ARHGEF10L: variants seen among roughly 807,000 people sequenced by gnomAD.
ARHGEF10L encodes the protein Rho guanine nucleotide exchange factor 10 like.
Under a neutral mutation model 141.2 loss-of-function variants are expected in ARHGEF10L, and 69 were observed. The observed-to-expected ratio is 0.49, with a 90% CI of 0.40 to 0.60. ARHGEF10L has a LOEUF of 0.60. ARHGEF10L is among the 20% of genes least tolerant of loss of function. The pLI is 0.00. For missense variants in ARHGEF10L, 1,482 were observed against 1,734.3 expected, an observed-to-expected ratio of 0.85 and a Z score of 2.58; for synonymous variants, 711 against 718.5, an observed-to-expected ratio of 0.99 and a Z score of 0.17.
At chr1:17,641,997 A>G (rs985745751) in intron 21 of ARHGEF10L, among the ~76,000 whole-genome samples, 2 of 152,108 alleles carry the variant, frequency 1.3e-5, no homozygotes, top group African/African-American at 4.8e-5. Flanking sequence ...AAAGAAAAAA[A>G]AAAGAAAAAA....
At position 17,639,094 on chromosome 1, in the gene ARHGEF10L, C is replaced by T. The variant is rs1439181521; in HGVS notation, c.2171+405C>T. Among the ~76,000 whole-genome samples, 2 of 152,216 alleles carry T rather than the reference C, an allele frequency of 1.3e-5. No individual in the cohort carries two copies. Among genetic ancestry groups the T allele is most frequent in the Non-Finnish European group, 2.9e-5 (2 of 68,034 alleles). On this transcript the variant is annotated intron_variant, in intron 20 of 28. Coordinates refer to ENST00000361221, the MANE Select transcript of ARHGEF10L (RefSeq NM_018125.4). The surrounding 1 kb of genome is among the most constrained non-coding windows in gnomAD (Gnocchi z 4.3). The stretch of plus-strand genomic sequence containing the variant: ...CACCTTAGCCCCAGAATGCCCACCA[C>T]AGGAGCTGTGCACAGTAGACCCCAA...
At chr1:17,525,613 G>A in the ARHGEF10L span, among the ~76,000 whole-genome samples, 1 of 152,074 alleles carries the variant, frequency 6.6e-6, no homozygotes, top group Non-Finnish European at 1.5e-5. Context: ...GAGCTGTGAT[G>A]ACACCACTGC....
chr1:17,578,509 A>G (rs1489072944), intron 1 of ARHGEF10L, among the ~76,000 whole-genome samples: 1 of 150,148 alleles, frequency 6.7e-6, no homozygotes, highest in East Asian at 2.0e-4. Context: ...ACAGAGTAAG[A>G]CCCTATCTCT....
chr1:17,663,808 G>A lies in ARHGEF10L; in HGVS notation c.2861-639G>A, dbSNP rs530158914. On this transcript the variant is annotated intron_variant, in intron 25 of 28. Transcript: ENST00000361221. ...CGTGAAGGGTAGAGATGTGCTCAAGGTCCTTAGCAAGTTAGTAGTAGCAGA... is the reference window on the plus strand; with the variant it reads ...CGTGAAGGGTAGAGATGTGCTCAAGATCCTTAGCAAGTTAGTAGTAGCAGA... Among the ~76,000 whole-genome samples the A allele has an allele frequency of 1.2e-4, 18 of 152,274 alleles. No homozygotes were observed. In the South Asian group the frequency reaches 3.7e-3, roughly 32 times the overall value.
At chr1:17,527,172 T>C in the ARHGEF10L span, among the ~76,000 whole-genome samples, 1 of 152,160 alleles carries the variant, frequency 6.6e-6, no homozygotes, top group Non-Finnish European at 1.5e-5. Flanking sequence ...CAAAGGAAAC[T>C]AGAAACCCTG....
intron 20 of ARHGEF10L, among the ~76,000 whole-genome samples, chr1:17,638,896 A>G (rs916287804): frequency 1.3e-5 from 2 of 152,236 alleles, no homozygotes; most frequent in African/African-American, 2.4e-5. Flanking sequence ...TGAATGAATT[A>G]ATGAACAGCC....
chr1:17,599,970 C>T (rs925830359), intron 4 of ARHGEF10L, among the ~76,000 whole-genome samples: 22 of 152,342 alleles, frequency 1.4e-4, no homozygotes, highest in East Asian at 3.9e-4. Context: ...GCTGCTGCAC[C>T]GGATAGGACA....
chr1:17,526,019 GAAAAGAA>G, the ARHGEF10L span, among the ~76,000 whole-genome samples: 1 of 146,588 alleles, frequency 6.8e-6, no homozygotes, highest in Non-Finnish European at 1.5e-5. Flanking sequence ...AAAAAAAAAA[GAAAAGAA>G]AAAAGAAAAC....
chr1:17,671,930 T>G (rs2063345918), intron 26 of ARHGEF10L, among the ~76,000 whole-genome samples: 1 of 152,204 alleles, frequency 6.6e-6, no homozygotes, highest in African/African-American at 2.4e-5. Context: ...GGAGATGGGC[T>G]CTGTCTGTAA....
At chr1:17,527,538 G>T in the ARHGEF10L span, among the ~76,000 whole-genome samples, 3 of 152,078 alleles carry the variant, frequency 2.0e-5, no homozygotes, top group East Asian at 1.9e-4. Context: ...CCCCTCACCC[G>T]GAGCCGATCC....
At chr1:17,617,312 A>G (rs2059862488) in intron 9 of ARHGEF10L, among the ~76,000 whole-genome samples, 1 of 152,210 alleles carries the variant, frequency 6.6e-6, no homozygotes, top group Admixed American at 6.5e-5. Flanking sequence ...TCCTAAAGCC[A>G]TGGGACACAG....
chr1:17,690,161 C>T (rs1004179435), intron 27 of ARHGEF10L, among the ~76,000 whole-genome samples: 9 of 152,288 alleles, frequency 5.9e-5, no homozygotes, highest in Non-Finnish European at 7.3e-5. Flanking sequence ...TAGCCTTGGG[C>T]GGTTGTGTCC....
the ARHGEF10L span, among the ~76,000 whole-genome samples, chr1:17,527,463 C>T: frequency 6.6e-6 from 1 of 152,294 alleles, no homozygotes; most frequent in South Asian, 2.1e-4. Context: ...TGTTCCCAGG[C>T]CCCACCCTGG....
Position 17,638,623 on chromosome 1 carries a change from A to G in ARHGEF10L, c.2105A>G (p.Lys702Arg). ...GCCCTGCAGAGGCTGATGCGGGTGA[A>G]GGAGGAAGAGATCCACTCGGCCAAC... The part of the protein sequence containing the change: ...CLALQRLMRV[K>R]EEEIHSANKC... Residue 702 changes from lysine to arginine, a missense_variant, in exon 20 of 29, where the codon AAG becomes AGG. Lys to Arg is a conservative substitution (Grantham distance 26). Coordinates refer to ENST00000361221, the MANE Select transcript of ARHGEF10L (RefSeq NM_018125.4). 1 of 1,614,148 alleles carries G rather than the reference A, an allele frequency of 6.2e-7. No individual in the cohort carries two copies. The highest frequency in any genetic ancestry group is 1.3e-5 in the African/African-American group (1 of 75,032).
At position 17,639,972 on chromosome 1, in the gene ARHGEF10L, C is replaced by T; in HGVS notation, c.2172-230C>T. 6.7e-7 allele frequency: 1 copy of T among 1,495,500 alleles called. No individual in the cohort carries two copies. The allele number at this position is 1,495,500 out of a possible 1,614,324, so 92.6% of individuals were successfully genotyped here. The stretch of plus-strand genomic sequence containing the variant: ...CAGGCTGGGGAGCGTGGCTCAGCCA[C>T]CCTGGCCAGGTACCTCCCTCTGGGG... On this transcript the variant is annotated intron_variant, in intron 20 of 28. Transcript: ENST00000361221. This position sits in a 1 kb window ranked among gnomAD's most constrained non-coding sequence, Gnocchi z 4.3.
At chr1:17,584,756 C>A (rs950987923) in intron 2 of ARHGEF10L, among the ~76,000 whole-genome samples, 2 of 152,150 alleles carry the variant, frequency 1.3e-5, no homozygotes, top group Non-Finnish European at 2.9e-5. Flanking sequence ...GAGGCAGGAG[C>A]ATGCCTGGCA....
chr1:17,527,523 C>A, the ARHGEF10L span, among the ~76,000 whole-genome samples: 1 of 152,126 alleles, frequency 6.6e-6, no homozygotes. Flanking sequence ...ATGGCACCAC[C>A]CGTACCCCTC....
intron 7 of ARHGEF10L, among the ~76,000 whole-genome samples, chr1:17,611,613 C>T (rs1338511344): frequency 6.6e-6 from 1 of 151,712 alleles, no homozygotes; most frequent in African/African-American, 2.4e-5. Flanking sequence ...ATATTGAGCA[C>T]TTGCAATTTA....
At chr1:17,695,317 G>C (rs757778023) in intron 28 of ARHGEF10L, 37 bp downstream of exon 28, 1 of 1,542,892 alleles carries the variant, frequency 6.5e-7, no homozygotes, top group Non-Finnish European at 8.7e-7. Flanking sequence ...AGGACCAGGG[G>C]GTCAGCTGCA....
Sources: gnomAD v4.1 joint callset for allele counts (sites outside exome capture counted in the v4.1 genomes callset) on GRCh38, gnomAD v4.1.1 for gene constraint, Gnocchi (gnomAD v3.1) non-coding constraint, MANE v1.5 for transcripts, NCBI Gene and HGNC (gene_info 2026-07-23, HGNC 2026-07-21) for gene names.